The following GLG1 variants were observed in gnomAD, a reference collection of about 807,000 sequenced individuals.
The protein encoded by GLG1 is golgi glycoprotein 1, also known as Golgi apparatus protein 1.
GLG1 carries 38 observed loss-of-function variants against 160.5 expected under a neutral mutation model. That is an observed-to-expected ratio of 0.24 (90% CI 0.18 to 0.31). The LOEUF is 0.31. Ranked by LOEUF, GLG1 falls within the 10% of genes least tolerant of loss-of-function variation. The pLI, the probability that GLG1 is intolerant of heterozygous loss-of-function variation, is 1.00. For missense variants in GLG1, 1,373 were observed against 1,505.2 expected, an observed-to-expected ratio of 0.91 and a Z score of 1.45; for synonymous variants, 644 against 543.4, an observed-to-expected ratio of 1.19 and a Z score of -2.57.
rs989488124 is a variant in GLG1, at chr16:74,448,782, C to T, written c.*4385G>A. ...AAAAAAAAAAAAAGGCCAGGCCGGG[C>T]GTGGTGGCTCACGCCTGTAATGCAC... On this transcript the variant is annotated 3_prime_UTR_variant, in exon 26 of 26. Coordinates refer to ENST00000422840, the MANE Select transcript of GLG1 (RefSeq NM_001145667.2). The T allele has an allele frequency of 4.3e-5, 6 of 141,048 alleles. No homozygotes were observed. The highest frequency in any genetic ancestry group is 7.6e-5 in the Non-Finnish European group (5 of 65,940). 8.7% of individuals were successfully genotyped at this position (141,048 alleles called of 1,614,324 possible).
intron 6 of GLG1, among the ~76,000 whole-genome samples, chr16:74,493,638 C>T (rs2016081246): frequency 6.6e-6 from 1 of 152,180 alleles, no homozygotes; most frequent in Non-Finnish European, 1.5e-5. Context: ...AACATTTCTT[C>T]AGCTACACAG....
intron 1 of GLG1, among the ~76,000 whole-genome samples, chr16:74,589,844 G>A (rs1048486357): frequency 1.3e-5 from 2 of 152,172 alleles, no homozygotes; most frequent in African/African-American, 4.8e-5. Flanking sequence ...GGCTGAGGCA[G>A]GAGAATTGCT....
Position 74,452,044 on chromosome 16 carries a change from T to A in GLG1, c.*1123A>T, listed in dbSNP as rs774013468. 1.9e-6 allele frequency: 3 copies of A among 1,597,266 alleles called. No individual in the cohort carries two copies. The highest frequency in any genetic ancestry group is 1.7e-5 in the Admixed American group (1 of 59,984). Reference sequence around the variant, plus strand: ...GCTTGTCTGGGAAGTTTGTCTGGAGTGTGCAGAAAGGTCAGGCTGGACTGC... The same window carrying A: ...GCTTGTCTGGGAAGTTTGTCTGGAGAGTGCAGAAAGGTCAGGCTGGACTGC... On this transcript the variant is annotated 3_prime_UTR_variant, in exon 26 of 26. Coordinates refer to ENST00000422840, the MANE Select transcript of GLG1 (RefSeq NM_001145667.2).
At chr16:74,520,689 A>C (rs1294093869) in intron 2 of GLG1, among the ~76,000 whole-genome samples, 1 of 152,212 alleles carries the variant, frequency 6.6e-6, no homozygotes, top group Non-Finnish European at 1.5e-5. Flanking sequence ...TGTTTGGAAG[A>C]ACTGCATGCC....
At chr16:74,484,341 T>C (rs2015715556) in intron 9 of GLG1, among the ~76,000 whole-genome samples, 1 of 152,080 alleles carries the variant, frequency 6.6e-6, no homozygotes, top group Non-Finnish European at 1.5e-5. Context: ...TGTTTTTGTT[T>C]TTGTTTTTTT....
At chr16:74,599,870 A>C (rs967467060) in intron 1 of GLG1, among the ~76,000 whole-genome samples, 1 of 151,230 alleles carries the variant, frequency 6.6e-6, no homozygotes, top group Non-Finnish European at 1.5e-5. Flanking sequence ...TCTCAAAAAA[A>C]AAACAAAAAA....
At position 74,453,242 on chromosome 16, in the gene GLG1, G is replaced by C. The variant is rs1254903803; in HGVS notation, c.3465C>G (p.Ile1155Met). The C allele has an allele frequency of 6.2e-7, 1 of 1,613,456 alleles. No individual in the cohort carries two copies. Among genetic ancestry groups the C allele is most frequent in the Admixed American group, 1.7e-5 (1 of 60,008 alleles). Residue 1155 changes from isoleucine (I) to methionine (M), a missense_variant, in exon 26 of 26, where the codon ATC (isoleucine) becomes ATG (methionine). Ile to Met is a conservative substitution (Grantham distance 10). Coordinates refer to ENST00000422840, the MANE Select transcript of GLG1 (RefSeq NM_001145667.2). ...NYILSVISGS[I>M]CILFLIGLMC... is the part of the protein sequence containing the mutation. ...TCAGGCCAATCAGGAACAATATACA[G>C]ATGCTCCCACTGATCACAGAGAGAA...
chr16:74,485,701 A>T, intron 9 of GLG1, 95 bp downstream of exon 9: 1 of 1,130,878 alleles, frequency 8.8e-7, no homozygotes, highest in Admixed American at 2.4e-5. Context: ...TTCAGTTAAG[A>T]TGTCAACAAC....
At chr16:74,588,663 C>T (rs915750334) in intron 1 of GLG1, among the ~76,000 whole-genome samples, 2 of 152,036 alleles carry the variant, frequency 1.3e-5, no homozygotes, top group Admixed American at 6.6e-5. Context: ...AGGAAATCCA[C>T]CCGCCTTAGC....
intron 1 of GLG1, among the ~76,000 whole-genome samples, chr16:74,587,542 C>T (rs1036323942): frequency 2.6e-5 from 4 of 152,146 alleles, no homozygotes; most frequent in Admixed American, 2.6e-4. Flanking sequence ...CAAGAAATGA[C>T]AGACATGATG....
At chr16:74,513,492 C>T (rs1377626835) in intron 2 of GLG1, among the ~76,000 whole-genome samples, 1 of 152,098 alleles carries the variant, frequency 6.6e-6, no homozygotes, top group Non-Finnish European at 1.5e-5. Flanking sequence ...GCTGGTGATA[C>T]CCAGGCAAAC....
chr16:74,493,879 AAAGT>A (rs1262961414), intron 6 of GLG1, among the ~76,000 whole-genome samples: 3 of 151,972 alleles, frequency 2.0e-5, no homozygotes, highest in African/African-American at 4.8e-5. Flanking sequence ...CTCCCCAAAC[AAAGT>A]AATATCTGAG....
At chr16:74,598,151 A>T (rs1958350548) in intron 1 of GLG1, among the ~76,000 whole-genome samples, 1 of 152,222 alleles carries the variant, frequency 6.6e-6, no homozygotes, top group Non-Finnish European at 1.5e-5. Context: ...AGTAAATGCT[A>T]ACCATTATAA....
chr16:74,570,623 CAG>C (rs2018797623), intron 1 of GLG1, among the ~76,000 whole-genome samples: 1 of 152,166 alleles, frequency 6.6e-6, no homozygotes, highest in Non-Finnish European at 1.5e-5. Flanking sequence ...AGGCCAGGCA[CAG>C]TGGCTCTCAT....
rs947402288 is a variant in GLG1, at chr16:74,448,358, A to G, written c.*4809T>C. 1.3e-5 allele frequency: 2 copies of G among 152,236 alleles called. No homozygotes were observed. The highest frequency in any genetic ancestry group is 2.4e-5 in the African/African-American group (1 of 41,446). 9.4% of individuals were successfully genotyped at this position (152,236 alleles called of 1,614,324 possible). ...GGAAGGAAGTGTCCCTCAAGGCCTG[A>G]GAGAGACCCACAGCACCAGATGCTG... is the stretch of plus-strand genomic sequence containing the variant. On this transcript the variant is annotated 3_prime_UTR_variant, in exon 26 of 26. Transcript: ENST00000422840.
rs188605545 is a variant in GLG1, at chr16:74,568,457, G to A, written c.439-36304C>T. Among the ~76,000 whole-genome samples, 12 of 136,282 alleles carry A rather than the reference G, an allele frequency of 8.8e-5. No homozygotes were observed. In the Admixed American group the frequency reaches 9.7e-4, roughly 11 times the overall value. The allele number at this position is 136,282 out of a possible 152,430, so 89.4% of individuals were successfully genotyped here. A position where few individuals can be genotyped will look rare whatever the true frequency, so the allele number is the denominator to read the frequency against. ...TTTTGAGACGGACTCTTGCTCTTTC[G>A]CCCAGGCTGGAGTGCAATGGCATGA... On this transcript the variant is annotated intron_variant, in intron 1 of 25. Coordinates refer to ENST00000422840, the MANE Select transcript of GLG1 (RefSeq NM_001145667.2).
rs1294441600 is a variant in GLG1, at chr16:74,575,018, G to T, written c.438+31639C>A. 3.6e-5 allele frequency among the ~76,000 whole-genome samples: 2 copies of T among 54,984 alleles called. 1 individual carries two copies. Among genetic ancestry groups the T allele is most frequent in the African/African-American group, 1.3e-4 (2 of 15,254 alleles). 36.1% of individuals were successfully genotyped at this position (54,984 alleles called of 152,430 possible). A position where few individuals can be genotyped will look rare whatever the true frequency, so the allele number is the denominator to read the frequency against. On this transcript the variant is annotated intron_variant, in intron 1 of 25. Coordinates refer to ENST00000422840, the MANE Select transcript of GLG1 (RefSeq NM_001145667.2). ...CACTTTGGGAGGCCGGGGGGGGGGG[G>T]GGGGCGGATCACGAGGTCAAGAGTT...
chr16:74,527,325 C>G lies in GLG1; in HGVS notation c.471+4796G>C, dbSNP rs2017371399. On this transcript the variant is annotated intron_variant, in intron 2 of 25. Transcript: ENST00000422840. ...AGTGCAATGGCGCTATCTCGGCTCA[C>G]TGCAACCTCTACCTCCCAGATTCAA... Among the ~76,000 whole-genome samples the G allele has an allele frequency of 2.1e-5, 3 of 143,844 alleles. No homozygotes were observed. The South Asian group carries it at 6.7e-4, about 32-fold the overall frequency. The allele number at this position is 143,844 out of a possible 152,430, so 94.4% of individuals were successfully genotyped here.
chr16:74,506,351 G>T (rs1203882016), intron 3 of GLG1, among the ~76,000 whole-genome samples: 1 of 151,408 alleles, frequency 6.6e-6, no homozygotes, highest in South Asian at 2.1e-4. Flanking sequence ...GGCCCAGGCG[G>T]GCGGATCACG....
Sources: gnomAD v4.1 joint callset for allele counts (sites outside exome capture counted in the v4.1 genomes callset) on GRCh38, gnomAD v4.1.1 for gene constraint, MANE v1.5 for transcripts, NCBI Gene and HGNC (gene_info 2026-07-23, HGNC 2026-07-21) for gene names.